Variants in CXADR observed in about 807,000 individuals in gnomAD.
CXADR encodes the protein coxsackievirus and adenovirus receptor.
In CXADR, 20 loss-of-function variants were observed where a neutral mutation model predicts 40.3. The ratio of observed to expected loss-of-function variants is 0.50; its 90% CI spans 0.35 to 0.72. The LOEUF (loss-of-function observed/expected upper bound fraction) is 0.72. CXADR is among the 30% of genes least tolerant of loss of function. The pLI, the probability that CXADR is intolerant of heterozygous loss-of-function variation, is 0.01. For synonymous variants in CXADR, 150 were observed against 161.3 expected (o/e 0.93, Z 0.53); for missense variants, 332 against 449.1 (o/e 0.74, Z 2.36).
rs1432275162 is a variant in CXADR at position 17,569,781 on chromosome 21, C to T, written c.*4089C>T. On this transcript the variant is annotated 3_prime_UTR_variant, in exon 7 of 7. Transcript: ENST00000284878. ...ATCGAGACTAAAAGCTCCATCAAAA[C>T]AGAACTTTGTGTTTTCTGCTAACTT... is the stretch of plus-strand genomic sequence containing the variant. 4.7e-5 allele frequency: 46 copies of T among 985,066 alleles called. No homozygotes were observed. The highest frequency in any genetic ancestry group is 5.2e-4 in the Middle Eastern group (1 of 1,936). 61.0% of individuals were successfully genotyped at this position (985,066 alleles called of 1,614,324 possible).
intron 7 of CXADR, chr21:17,593,036 T>A: frequency 1.1e-6 from 1 of 909,836 alleles, no homozygotes; most frequent in Non-Finnish European, 1.5e-6. Context: ...AATTTAAGAC[T>A]GCAAATTTAA....
At chr21:17,597,237 C>T (rs970024182), downstream of CXADR, among the ~76,000 whole-genome samples, 9 of 151,890 alleles carry the variant, frequency 5.9e-5, no homozygotes, top group African/African-American at 2.2e-4. Flanking sequence ...GGTTAATTTG[C>T]TTGTAAAAAA....
chr21:17,587,260 G>A (rs1052770871), intron 7 of CXADR, among the ~76,000 whole-genome samples: 3 of 152,210 alleles, frequency 2.0e-5, no homozygotes, highest in East Asian at 1.9e-4. Flanking sequence ...ACCCAGTAAT[G>A]GGATGGCTGG....
chr21:17,518,876 T>C, intron 1 of CXADR: 1 of 1,565,844 alleles, frequency 6.4e-7, no homozygotes, highest in Admixed American at 1.7e-5. Context: ...TTTAGAGAAC[T>C]CTGAAGCTTT....
chr21:17,584,056 G>A (rs1236574719), intron 7 of CXADR, among the ~76,000 whole-genome samples: 1 of 152,182 alleles, frequency 6.6e-6, no homozygotes, highest in Non-Finnish European at 1.5e-5. Context: ...GTGTGTGTAT[G>A]TGTATGCAAT....
At chr21:17,615,108 G>T in the CXADR span, among the ~76,000 whole-genome samples, 1 of 152,194 alleles carries the variant, frequency 6.6e-6, no homozygotes, top group East Asian at 1.9e-4. Flanking sequence ...AGACACTTAG[G>T]TCATGAGGGT....
At chr21:17,513,214 G>A in intron 1 of CXADR, 42 bp downstream of exon 1, 1 of 1,347,920 alleles carries the variant, frequency 7.4e-7, no homozygotes, top group Non-Finnish European at 9.6e-7. Context: ...GCCCAGCCCG[G>A]GGGCGCTCGC....
At chr21:17,518,627 C>T in intron 1 of CXADR, 3 of 1,583,644 alleles carry the variant, frequency 1.9e-6, no homozygotes, top group South Asian at 1.1e-5. Flanking sequence ...CTGTCCAAGA[C>T]TTGCCGTGGG....
At chr21:17,528,068 C>CTTTTT (rs35477813) in intron 1 of CXADR, among the ~76,000 whole-genome samples, 2,139 of 78,312 alleles carry the variant, frequency 0.027, 13 homozygotes, top group Middle Eastern at 0.061. Context: ...TTAGTTCTTT[C>CTTTTT]TTTTTTTTTT....
At position 17,559,143 on chromosome 21, in the gene CXADR, A is replaced by T. The variant is rs1271679707; in HGVS notation, c.571+12A>T. 6 of 1,613,262 alleles carry T rather than the reference A, an allele frequency of 3.7e-6. No individual in the cohort carries two copies. Among genetic ancestry groups the T allele is most frequent in the Non-Finnish European group, 5.1e-6 (6 of 1,179,450 alleles). Reference sequence around the variant, plus strand: ...TTCATGGTTAGCAGGTACTGCTGATAATAGTATTTGTACCACATGCCATTG... The same window carrying T: ...TTCATGGTTAGCAGGTACTGCTGATTATAGTATTTGTACCACATGCCATTG... On this transcript the variant is annotated intron_variant, in intron 4 of 6. Transcript: ENST00000284878.
chr21:17,551,356 G>A (rs997076661), intron 2 of CXADR, among the ~76,000 whole-genome samples: 4 of 152,106 alleles, frequency 2.6e-5, no homozygotes, highest in African/African-American at 9.7e-5. Flanking sequence ...TCTCACCATT[G>A]CACTCCAGCC....
Position 17,566,783 on chromosome 21 carries a change from A to G in CXADR, c.*1091A>G. 1 of 964,160 alleles carries G rather than the reference A, an allele frequency of 1.0e-6. No individual in the cohort carries two copies. Among genetic ancestry groups the G allele is most frequent in the Non-Finnish European group, 1.2e-6 (1 of 810,728 alleles). 59.7% of individuals were successfully genotyped at this position (964,160 alleles called of 1,614,324 possible). On this transcript the variant is annotated 3_prime_UTR_variant, in exon 7 of 7. Coordinates refer to ENST00000284878, the MANE Select transcript of CXADR (RefSeq NM_001338.5). ...TTTTATCATAAATGCAGAATAATCA[A>G]ATACATTTTAAGCAAGTTAAGTGTC...
At chr21:17,628,553 T>G in the CXADR span, among the ~76,000 whole-genome samples, 1 of 152,092 alleles carries the variant, frequency 6.6e-6, no homozygotes, top group African/African-American at 2.4e-5. Flanking sequence ...CAGGCTGGAA[T>G]GCAGTGGCGT....
At chr21:17,529,541 G>A (rs920962778) in intron 1 of CXADR, among the ~76,000 whole-genome samples, 26 of 152,014 alleles carry the variant, frequency 1.7e-4, no homozygotes, top group African/African-American at 5.1e-4. Context: ...GGCTGATCTC[G>A]AACTCCTGAC....
chr21:17,581,694 A>T (rs1811038923), intron 7 of CXADR, among the ~76,000 whole-genome samples: 1 of 151,900 alleles, frequency 6.6e-6, no homozygotes, highest in Admixed American at 6.6e-5. Context: ...AAAAATAAAA[A>T]ATTAGCTGGA....
intron 1 of CXADR, among the ~76,000 whole-genome samples, chr21:17,543,831 A>G (rs1819603512): frequency 6.6e-6 from 1 of 152,182 alleles, no homozygotes; most frequent in Admixed American, 6.5e-5. Flanking sequence ...CAAAAATACA[A>G]GGTAACATGG....
the CXADR span, among the ~76,000 whole-genome samples, chr21:17,632,292 A>G: frequency 6.6e-6 from 1 of 151,768 alleles, no homozygotes; most frequent in South Asian, 2.1e-4. Context: ...AGTCTGTGTT[A>G]AGATTGAAGC....
rs2060906054 is a variant in CXADR at position 17,547,035 on chromosome 21, A to G, written c.52A>G (p.Arg18Gly). Reference sequence around the variant, plus strand: ...TACATTTCTTTCTCTAGATTTCGCCAGAAGTTTGAGTATCACTACTCCTGA... The same window carrying G: ...TACATTTCTTTCTCTAGATTTCGCCGGAAGTTTGAGTATCACTACTCCTGA... ...VLLCGVVDFA[R>G]SLSITTPEEM... Residue 18 changes from arginine (R) to glycine (G), a missense_variant, in exon 2 of 7, where the codon AGA (arginine) becomes GGA (glycine). Arg to Gly is a moderately radical substitution (Grantham distance 125). This residue lies in a region of CXADR where 162 missense variants were observed against 198.5 expected (regional missense o/e 0.82). Transcript: ENST00000284878. 1 of 1,612,660 alleles carries G rather than the reference A, an allele frequency of 6.2e-7. No homozygotes were observed. The highest frequency in any genetic ancestry group is 8.5e-7 in the Non-Finnish European group (1 of 1,179,874).
In CXADR at chr21:17,565,777, C is replaced by G. The variant is rs1464915192; in HGVS notation, c.*85C>G. 12 of 1,515,092 alleles carry G rather than the reference C, an allele frequency of 7.9e-6. No individual in the cohort carries two copies. The highest frequency in any genetic ancestry group is 2.2e-5 in the Admixed American group (1 of 46,066). 93.9% of individuals were successfully genotyped at this position (1,515,092 alleles called of 1,614,324 possible). A position where few individuals can be genotyped will look rare whatever the true frequency, so the allele number is the denominator to read the frequency against. ...ACCTATTCTGGTCTAAATTGTGTTACTAGCCTCAAAATACATCAAAAAATA... is the reference window on the plus strand; with the variant it reads ...ACCTATTCTGGTCTAAATTGTGTTAGTAGCCTCAAAATACATCAAAAAATA... On this transcript the variant is annotated 3_prime_UTR_variant, in exon 7 of 7. Coordinates refer to ENST00000284878, the MANE Select transcript of CXADR (RefSeq NM_001338.5).
Sources: allele counts gnomAD v4.1 joint callset (sites outside exome capture counted in the v4.1 genomes callset), GRCh38; gene constraint gnomAD v4.1.1; regional missense constraint gnomAD v4.1.1; transcripts MANE v1.5; gene names NCBI Gene and HGNC (gene_info 2026-07-23, HGNC 2026-07-21).